The following ST18 variants were observed in gnomAD, a reference collection of about 807,000 sequenced individuals.
The protein encoded by ST18 is suppression of tumorigenicity 18 protein.
ST18 carries 50 observed loss-of-function variants against 110.0 expected under a neutral mutation model. The observed-to-expected ratio is 0.45, with a 90% CI of 0.36 to 0.58. The LOEUF is 0.58. ST18 is among the 20% of genes least tolerant of loss of function. The probability of loss-of-function intolerance (pLI) is 0.00; values close to 1 mark genes in which losing one functional copy is unlikely to be tolerated. For synonymous variants in ST18, 461 were observed against 452.4 expected (o/e 1.02, Z -0.24); for missense variants, 1,306 against 1,280.1 (o/e 1.02, Z -0.31).
At chr8:52,354,736 G>A (rs761892551) in intron 2 of ST18, among the ~76,000 whole-genome samples, 3 of 152,168 alleles carry the variant, frequency 2.0e-5, no homozygotes, top group Non-Finnish European at 1.5e-5. Context: ...TCAAGAGAGT[G>A]TGGTGTCCCT....
chr8:52,167,115 G>A (rs956501521), intron 10 of ST18, 129 bp from the exon 11 acceptor site: 12 of 1,272,752 alleles, frequency 9.4e-6, no homozygotes, highest in African/African-American at 3.0e-5. Flanking sequence ...TTCTCACATC[G>A]CCTTGAACAA....
chr8:52,266,428 C>A (rs2094872394), intron 2 of ST18, among the ~76,000 whole-genome samples: 1 of 151,836 alleles, frequency 6.6e-6, no homozygotes, highest in Non-Finnish European at 1.5e-5. Context: ...GTAACAGGAG[C>A]AAACCCTTGA....
At chr8:52,197,383 G>T (rs2076499648) in intron 8 of ST18, among the ~76,000 whole-genome samples, 1 of 152,096 alleles carries the variant, frequency 6.6e-6, no homozygotes, top group South Asian at 2.1e-4. Context: ...TGTGAAGCAG[G>T]CACAGCCTTA....
chr8:52,266,525 G>A (rs915056542), intron 2 of ST18, among the ~76,000 whole-genome samples: 2 of 151,150 alleles, frequency 1.3e-5, no homozygotes, highest in Admixed American at 6.6e-5. Flanking sequence ...GGGAAGGATC[G>A]CAGAGTTTCT....
chr8:52,256,243 G>T (rs1028379213), intron 2 of ST18, among the ~76,000 whole-genome samples: 1 of 152,216 alleles, frequency 6.6e-6, no homozygotes, highest in East Asian at 1.9e-4. Context: ...GTTCATCAAT[G>T]TTTTGCAATA....
intron 17 of ST18, 64 bp from the exon 18 acceptor site, chr8:52,137,547 A>G: frequency 1.3e-6 from 2 of 1,551,380 alleles, no homozygotes; most frequent in African/African-American, 1.4e-5. Context: ...TCCTCTGCCC[A>G]GTAGATTACG....
chr8:52,143,795 A>C (rs2056221610), intron 16 of ST18, among the ~76,000 whole-genome samples: 1 of 152,258 alleles, frequency 6.6e-6, no homozygotes. Context: ...ACTTTTAGAC[A>C]GAAAAGGGGG....
chr8:52,304,309 A>G (rs1486519293), intron 2 of ST18, among the ~76,000 whole-genome samples: 1 of 152,196 alleles, frequency 6.6e-6, no homozygotes, highest in Non-Finnish European at 1.5e-5. Context: ...AAATCTGAAA[A>G]AGATCAGTGT....
chr8:52,341,698 G>T (rs903316189), intron 2 of ST18, among the ~76,000 whole-genome samples: 1 of 152,220 alleles, frequency 6.6e-6, no homozygotes, highest in Non-Finnish European at 1.5e-5. Context: ...GTTGGTGTGT[G>T]TTCTCTGAGA....
chr8:52,260,914 G>A (rs1322102637), intron 2 of ST18, among the ~76,000 whole-genome samples: 1 of 152,206 alleles, frequency 6.6e-6, no homozygotes, highest in Non-Finnish European at 1.5e-5. Context: ...AGGATTCTCT[G>A]CAGCTTCCAC....
intron 9 of ST18, among the ~76,000 whole-genome samples, chr8:52,177,670 T>G (rs555997004): frequency 1.3e-5 from 2 of 152,334 alleles, no homozygotes; most frequent in East Asian, 3.9e-4. Context: ...CATTCTGCAT[T>G]CTGAAGGTAG....
intron 2 of ST18, among the ~76,000 whole-genome samples, chr8:52,351,416 T>C (rs1276186227): frequency 6.6e-6 from 1 of 152,252 alleles, no homozygotes; most frequent in African/African-American, 2.4e-5. Context: ...GGTACTTAAT[T>C]ACAGATTCCT....
chr8:52,253,275 G>A (rs775545434), intron 2 of ST18, among the ~76,000 whole-genome samples: 1 of 151,972 alleles, frequency 6.6e-6, no homozygotes, highest in Non-Finnish European at 1.5e-5. Flanking sequence ...AGGAATATGA[G>A]GCAAAGTATT....
At chr8:52,340,423 G>A (rs1042312708) in intron 2 of ST18, among the ~76,000 whole-genome samples, 1 of 152,158 alleles carries the variant, frequency 6.6e-6, no homozygotes, top group African/African-American at 2.4e-5. Context: ...CCCCTACTGT[G>A]GGCCTGGATC....
At chr8:52,178,506 A>T (rs747874997) in intron 9 of ST18, among the ~76,000 whole-genome samples, 2 of 150,372 alleles carry the variant, frequency 1.3e-5, no homozygotes, top group African/African-American at 2.5e-5. Context: ...AATCCCAGCT[A>T]CTCAGGAGGC....
At chr8:52,381,976 A>C (rs1027845683) in intron 2 of ST18, among the ~76,000 whole-genome samples, 3 of 151,492 alleles carry the variant, frequency 2.0e-5, no homozygotes, top group African/African-American at 7.3e-5. Context: ...TTAAAAAACA[A>C]AAAAAAACAA....
intron 13 of ST18, among the ~76,000 whole-genome samples, chr8:52,162,534 A>T (rs929446757): frequency 1.3e-5 from 2 of 152,214 alleles, no homozygotes; most frequent in Non-Finnish European, 2.9e-5. Context: ...TAATACTTTA[A>T]ATGGCACTTC....
intron 2 of ST18, among the ~76,000 whole-genome samples, chr8:52,368,791 C>G (rs1239388357): frequency 1.3e-5 from 2 of 152,034 alleles, no homozygotes; most frequent in African/African-American, 4.8e-5. Context: ...ATACACTGAT[C>G]GATGAAAGAG....
intron 2 of ST18, among the ~76,000 whole-genome samples, chr8:52,279,297 T>C (rs1292870751): frequency 2.0e-5 from 3 of 152,118 alleles, no homozygotes; most frequent in Non-Finnish European, 2.9e-5. Context: ...CCTTGGTATG[T>C]GTACCTAACA....
Sources: allele counts gnomAD v4.1 joint callset (sites outside exome capture counted in the v4.1 genomes callset), GRCh38; gene constraint gnomAD v4.1.1; transcripts MANE v1.5; gene names NCBI Gene and HGNC (gene_info 2026-07-23, HGNC 2026-07-21).